Variants in ALDH8A1 observed in about 807,000 individuals in gnomAD.
ALDH8A1 encodes aldehyde dehydrogenase 8 family member A1, also known as 2-aminomuconic semialdehyde dehydrogenase.
A neutral mutation model predicts 43.3 loss-of-function variants in ALDH8A1; 39 were observed. That is an observed-to-expected ratio of 0.90 (90% CI 0.70 to 1.18). The LOEUF is 1.18. Among genes scored for constraint, ALDH8A1 ranks in the 50% most tolerant of loss-of-function variants. The probability of loss-of-function intolerance (pLI) is 0.00; values close to 1 mark genes in which losing one functional copy is unlikely to be tolerated. For synonymous variants in ALDH8A1, 233 were observed against 243.5 expected, an observed-to-expected ratio of 0.96 and a Z score of 0.40; for missense variants, 605 against 622.6, an observed-to-expected ratio of 0.97 and a Z score of 0.30.
At chr6:134,949,884 C>T (rs1018036207) in intron 1 of ALDH8A1, 32 bp downstream of exon 1, 4 of 1,533,502 alleles carry the variant, frequency 2.6e-6, no homozygotes, top group Non-Finnish European at 3.5e-6. Flanking sequence ...ATATTAAACA[C>T]ATTTCAGTCT....
At chr6:134,942,623 C>A in intron 2 of ALDH8A1, 59 bp from the exon 3 acceptor site, 1 of 1,539,244 alleles carries the variant, frequency 6.5e-7, no homozygotes, top group Non-Finnish European at 8.8e-7. Flanking sequence ...TATCCATCAG[C>A]TTCCACTGCC....
chr6:134,931,310 C>A (rs1222178419), intron 5 of ALDH8A1, among the ~76,000 whole-genome samples: 1 of 152,146 alleles, frequency 6.6e-6, no homozygotes, highest in Non-Finnish European at 1.5e-5. Context: ...ATCTCCCAGG[C>A]TGGAGTGCAT....
At position 134,918,262 on chromosome 6, in the gene ALDH8A1, G is replaced by A; in HGVS notation, c.*153C>T. On this transcript the variant is annotated 3_prime_UTR_variant, in exon 7 of 7. Coordinates refer to ENST00000265605, the MANE Select transcript of ALDH8A1 (RefSeq NM_022568.4). ...AATAGACAGTATCTCTTCACTAGTG[G>A]GTAAAGTTACTAAGAACTGAGGATA... is the stretch of plus-strand genomic sequence containing the variant. 1.4e-6 allele frequency: 1 copy of A among 699,620 alleles called. No individual in the cohort carries two copies. The highest frequency in any genetic ancestry group is 2.4e-6 in the Non-Finnish European group (1 of 421,622). The allele number at this position is 699,620 out of a possible 1,614,324, so 43.3% of individuals were successfully genotyped here.
chr6:134,944,311 C>G (rs1338638930), intron 1 of ALDH8A1: 2 of 191,844 alleles, frequency 1.0e-5, no homozygotes, highest in African/African-American at 4.7e-5. Flanking sequence ...ACAAGTGAAC[C>G]ACTCGCCTCG....
intron 3 of ALDH8A1, chr6:134,940,306 A>T (rs1405173268): frequency 4.8e-6 from 1 of 207,798 alleles, no homozygotes; most frequent in East Asian, 1.5e-4. Context: ...AGATTTATAG[A>T]CTGAGCTTTA....
intron 1 of ALDH8A1, among the ~76,000 whole-genome samples, chr6:134,945,940 G>C (rs187032566): frequency 6.6e-6 from 1 of 152,084 alleles, no homozygotes; most frequent in Non-Finnish European, 1.5e-5. Flanking sequence ...GTGAATTCTC[G>C]TGAGATCTAA....
chr6:134,939,808 G>A (rs1293922776), intron 3 of ALDH8A1, among the ~76,000 whole-genome samples: 2 of 152,192 alleles, frequency 1.3e-5, no homozygotes, highest in African/African-American at 4.8e-5. Context: ...CAATAGCAAA[G>A]ACATGGAATC....
chr6:134,936,679 C>A (rs1236209248), intron 4 of ALDH8A1, among the ~76,000 whole-genome samples: 1 of 152,208 alleles, frequency 6.6e-6, no homozygotes, highest in African/African-American at 2.4e-5. Flanking sequence ...GCGCTCACTG[C>A]GGCAGCGGAT....
At chr6:134,926,242 T>TCTG (rs905829869) in intron 6 of ALDH8A1, among the ~76,000 whole-genome samples, 7 of 149,244 alleles carry the variant, frequency 4.7e-5, no homozygotes, top group Non-Finnish European at 4.5e-5. Flanking sequence ...AGCGTCTCAT[T>TCTG]CTGTGACCCA....
chr6:134,924,577 C>T (rs545495548), intron 6 of ALDH8A1, among the ~76,000 whole-genome samples: 1 of 152,328 alleles, frequency 6.6e-6, no homozygotes, highest in East Asian at 1.9e-4. Context: ...TCACAACACG[C>T]ATATCCCAGT....
intron 4 of ALDH8A1, among the ~76,000 whole-genome samples, chr6:134,937,101 G>T (rs1245934621): frequency 6.6e-6 from 1 of 152,048 alleles, no homozygotes; most frequent in Non-Finnish European, 1.5e-5. Context: ...GCAGTCAGTG[G>T]GCACTCCAGG....
chr6:134,947,664 T>C (rs1354326544), intron 1 of ALDH8A1, among the ~76,000 whole-genome samples: 1 of 151,918 alleles, frequency 6.6e-6, no homozygotes, highest in African/African-American at 2.4e-5. Flanking sequence ...TCACTAATTA[T>C]TAGGGAAATG....
chr6:134,920,887 G>C (rs1336638646), intron 6 of ALDH8A1, among the ~76,000 whole-genome samples: 1 of 152,188 alleles, frequency 6.6e-6, no homozygotes, highest in Non-Finnish European at 1.5e-5. Flanking sequence ...AGTAACCCGA[G>C]AGCCAAGCTG....
intron 4 of ALDH8A1, among the ~76,000 whole-genome samples, chr6:134,938,273 A>C (rs1773784937): frequency 6.6e-6 from 1 of 152,218 alleles, no homozygotes; most frequent in Admixed American, 6.5e-5. Flanking sequence ...GGGACTTCTC[A>C]CAGGAGGGCT....
chr6:134,943,736 C>T (rs1053458029), intron 2 of ALDH8A1, 83 bp downstream of exon 2: 4 of 1,541,560 alleles, frequency 2.6e-6, no homozygotes, highest in South Asian at 1.3e-5. Context: ...GGCACATGGG[C>T]TGGCCTGATG....
chr6:134,920,053 A>G (rs9494123), intron 6 of ALDH8A1, among the ~76,000 whole-genome samples: 6,892 of 152,152 alleles, frequency 0.045, 525 homozygotes, highest in African/African-American at 0.15. Context: ...TGAGCCTATA[A>G]ACACAAGTCA....
chr6:134,937,271 G>A (rs534998334), intron 4 of ALDH8A1, among the ~76,000 whole-genome samples: 8 of 152,284 alleles, frequency 5.3e-5, no homozygotes, highest in East Asian at 1.9e-4. Flanking sequence ...CATCCAGAAC[G>A]AATTAGTTAT....
At chr6:134,939,621 G>C (rs1773816530) in intron 3 of ALDH8A1, among the ~76,000 whole-genome samples, 1 of 152,190 alleles carries the variant, frequency 6.6e-6, no homozygotes. Flanking sequence ...TTTTAAAACA[G>C]AGTAAAGTCA....
intron 6 of ALDH8A1, among the ~76,000 whole-genome samples, chr6:134,920,513 G>A (rs1244574355): frequency 2.0e-5 from 3 of 152,288 alleles, no homozygotes; most frequent in Middle Eastern, 3.4e-3. Flanking sequence ...AGCACCCCAC[G>A]AGGAGTACCT....
Sources: gnomAD v4.1 joint callset for allele counts (sites outside exome capture counted in the v4.1 genomes callset) on GRCh38, gnomAD v4.1.1 for gene constraint, MANE v1.5 for transcripts, NCBI Gene and HGNC (gene_info 2026-07-23, HGNC 2026-07-21) for gene names.